The following PLCL1 variants were observed in gnomAD, a reference collection of about 807,000 sequenced individuals.
The protein encoded by PLCL1 is phospholipase C like 1 (inactive).
In PLCL1, 41 loss-of-function variants were observed where a neutral mutation model predicts 84.4. The observed-to-expected ratio is 0.49, with a 90% confidence interval of 0.38 to 0.63. The LOEUF is 0.63. Among genes scored for constraint, PLCL1 ranks in the 30% least tolerant of loss-of-function variants. PLCL1 has a pLI of 0.00. For synonymous variants in PLCL1, 490 were observed against 488.3 expected (o/e 1.00, Z -0.05); for missense variants, 1,206 against 1,367.8 (o/e 0.88, Z 1.87).
intron 1 of PLCL1, among the ~76,000 whole-genome samples, chr2:198,020,556 T>G (rs1691107953): frequency 7.6e-6 from 1 of 131,770 alleles, no homozygotes; most frequent in African/African-American, 2.9e-5. Flanking sequence ...ACCAAGCAAA[T>G]GGAAAGAAAA....
chr2:197,965,288 G>A (rs539782820), intron 1 of PLCL1, among the ~76,000 whole-genome samples: 26 of 152,124 alleles, frequency 1.7e-4, no homozygotes, highest in Middle Eastern at 3.4e-3. Context: ...TTCAATCTTC[G>A]TAGGTTGTAT....
intron 1 of PLCL1, among the ~76,000 whole-genome samples, chr2:198,018,863 C>A (rs181666908): frequency 2.4e-4 from 36 of 152,352 alleles, no homozygotes; most frequent in Admixed American, 4.6e-4. Flanking sequence ...GATCTCCCAG[C>A]ACAGTGCTCG....
chr2:197,992,693 C>T (rs1272010598), intron 1 of PLCL1, among the ~76,000 whole-genome samples: 1 of 152,184 alleles, frequency 6.6e-6, no homozygotes, highest in Non-Finnish European at 1.5e-5. Context: ...ACTCATTAAA[C>T]ACTAACCCTC....
chr2:198,028,557 T>C (rs1691328551), intron 1 of PLCL1, among the ~76,000 whole-genome samples: 1 of 152,214 alleles, frequency 6.6e-6, no homozygotes, highest in Admixed American at 6.5e-5. Context: ...CAGTCGTTCC[T>C]TTTCTCTGAC....
chr2:197,897,114 C>A (rs1430828877), intron 1 of PLCL1, among the ~76,000 whole-genome samples: 5 of 35,020 alleles, frequency 1.4e-4, no homozygotes, highest in Non-Finnish European at 2.6e-4. Context: ...TCTTCTTCTT[C>A]TTCTTCTTCT....
intron 1 of PLCL1, among the ~76,000 whole-genome samples, chr2:198,019,864 T>C (rs1374886539): frequency 2.0e-5 from 3 of 152,160 alleles, no homozygotes; most frequent in Non-Finnish European, 4.4e-5. Context: ...CAGGCCAACA[T>C]TCCAATTCAG....
chr2:197,894,808 T>C (rs1688101499), intron 1 of PLCL1, among the ~76,000 whole-genome samples: 2 of 151,990 alleles, frequency 1.3e-5, no homozygotes, highest in Admixed American at 6.6e-5. Context: ...TGGAGTCAGA[T>C]GGACTTGTGC....
chr2:197,839,973 G>C (rs932848262), intron 1 of PLCL1, among the ~76,000 whole-genome samples: 2 of 152,118 alleles, frequency 1.3e-5, no homozygotes, highest in African/African-American at 4.8e-5. Context: ...AGTAACTCTG[G>C]CTCAATTTAT....
In PLCL1 at chr2:198,101,265, T is replaced by A; in HGVS notation, c.2920-20T>A. On this transcript the variant is annotated intron_variant, in intron 3 of 5. Coordinates refer to ENST00000428675, the MANE Select transcript of PLCL1 (RefSeq NM_006226.4). ...TCAAGGATTCTGACAACCACCTTTT[T>A]GATGTTTATTTTGTAACAGATGATT... is the stretch of plus-strand genomic sequence containing the variant. 1 of 1,491,064 alleles carries A rather than the reference T, an allele frequency of 6.7e-7. No individual in the cohort carries two copies. Among genetic ancestry groups the A allele is most frequent in the Non-Finnish European group, 9.3e-7 (1 of 1,076,924 alleles). The allele number at this position is 1,491,064 out of a possible 1,614,324, so 92.4% of individuals were successfully genotyped here. A position where few individuals can be genotyped will look rare whatever the true frequency, so the allele number is the denominator to read the frequency against.
rs1328260110 is a variant in PLCL1, at chr2:198,137,961, TGATTGGGAG to T, written c.3106-8814_3106-8806del. On this transcript the variant is annotated intron_variant, in intron 5 of 5. Coordinates refer to ENST00000428675, the MANE Select transcript of PLCL1 (RefSeq NM_006226.4). ...GCTGTGTTCTGGGAAGTTGTAGAGG[TGATTGGGAG>T]GATTCTCCTGGCATTTAGTGGAAAC... Among the ~76,000 whole-genome samples, 3 of 151,880 alleles carry T rather than the reference TGATTGGGAG, an allele frequency of 2.0e-5. No individual in the cohort carries two copies. In the East Asian group the frequency reaches 5.8e-4, roughly 30 times the overall value.
intron 5 of PLCL1, among the ~76,000 whole-genome samples, chr2:198,112,896 T>C (rs936074535): frequency 6.6e-6 from 1 of 151,924 alleles, no homozygotes; most frequent in African/African-American, 2.4e-5. Context: ...ATGGATATCA[T>C]TGATTACCAG....
At chr2:198,046,217 A>G (rs1691786220) in intron 1 of PLCL1, among the ~76,000 whole-genome samples, 1 of 152,228 alleles carries the variant, frequency 6.6e-6, no homozygotes, top group African/African-American at 2.4e-5. Flanking sequence ...AGCTATCTAG[A>G]CTGCGAAGCC....
In PLCL1 at chr2:197,850,095, G is replaced by C. The variant is rs74760540; in HGVS notation, c.240+44756G>C. ...ACACACACACGACTGCAGCCAGGAAGCCTGGCTCAGTCACCAGGTAGTGGT... is the reference window on the plus strand; with the variant it reads ...ACACACACACGACTGCAGCCAGGAACCCTGGCTCAGTCACCAGGTAGTGGT... On this transcript the variant is annotated intron_variant, in intron 1 of 5. Coordinates refer to ENST00000428675, the MANE Select transcript of PLCL1 (RefSeq NM_006226.4). Among the ~76,000 whole-genome samples, 166 of 149,620 alleles carry C rather than the reference G, an allele frequency of 1.1e-3. 1 individual carries two copies. Among genetic ancestry groups the C allele is most frequent in the African/African-American group, 4.1e-3 (162 of 39,972 alleles).
intron 1 of PLCL1, among the ~76,000 whole-genome samples, chr2:198,022,531 A>G (rs1691162353): frequency 1.3e-5 from 2 of 152,212 alleles, no homozygotes; most frequent in African/African-American, 4.8e-5. Flanking sequence ...CCTTAAGCTG[A>G]TAAGTGACTT....
At chr2:197,838,127 G>A (rs570218119) in intron 1 of PLCL1, among the ~76,000 whole-genome samples, 1 of 152,184 alleles carries the variant, frequency 6.6e-6, no homozygotes, top group Non-Finnish European at 1.5e-5. Flanking sequence ...TGAAGGGAGC[G>A]GCATGTTTCT....
intron 1 of PLCL1, among the ~76,000 whole-genome samples, chr2:198,004,273 A>G (rs1048303468): frequency 2.0e-5 from 3 of 152,154 alleles, no homozygotes; most frequent in African/African-American, 7.2e-5. Flanking sequence ...TGCTTTCAGG[A>G]AAGATTGAGA....
At chr2:197,834,834 A>G (rs560728947) in intron 1 of PLCL1, among the ~76,000 whole-genome samples, 1 of 152,370 alleles carries the variant, frequency 6.6e-6, no homozygotes, top group East Asian at 1.9e-4. Context: ...ATTCTACTGT[A>G]AAGACACATG....
intron 1 of PLCL1, among the ~76,000 whole-genome samples, chr2:197,919,569 G>T (rs1192964925): frequency 6.6e-6 from 1 of 152,204 alleles, no homozygotes; most frequent in Non-Finnish European, 1.5e-5. Context: ...TATTTTGGCT[G>T]TCTGCCTTCC....
rs535298957 is a variant in PLCL1, at chr2:197,902,638, A to G, written c.240+97299A>G. Among the ~76,000 whole-genome samples, 100 of 152,368 alleles carry G rather than the reference A, an allele frequency of 6.6e-4. 1 individual carries two copies. The highest frequency in any genetic ancestry group is 2.4e-3 in the African/African-American group (99 of 41,592). Reference sequence around the variant, plus strand: ...AAGTGAACATACTGGTATGAAGAACAGGATGAACTTACCACTCTTGGCATT... The same window carrying G: ...AAGTGAACATACTGGTATGAAGAACGGGATGAACTTACCACTCTTGGCATT... On this transcript the variant is annotated intron_variant, in intron 1 of 5. Coordinates refer to ENST00000428675, the MANE Select transcript of PLCL1 (RefSeq NM_006226.4).
Sources: gnomAD v4.1 joint callset for allele counts (sites outside exome capture counted in the v4.1 genomes callset) on GRCh38, gnomAD v4.1.1 for gene constraint, MANE v1.5 for transcripts, NCBI Gene and HGNC (gene_info 2026-07-23, HGNC 2026-07-21) for gene names.